Variants in C2orf42 observed in about 807,000 individuals in gnomAD.
C2orf42 encodes uncharacterized protein C2orf42.
C2orf42 carries 44 observed loss-of-function variants against 58.9 expected under a neutral mutation model. The observed-to-expected ratio is 0.75, with a 90% CI of 0.59 to 0.96. The LOEUF (loss-of-function observed/expected upper bound fraction) is 0.96. C2orf42 is among the 40% of genes least tolerant of loss of function. The pLI is 0.00. For missense variants in C2orf42, 630 were observed against 699.2 expected (o/e 0.90, Z 1.12); for synonymous variants, 239 against 265.4 (o/e 0.90, Z 0.97).
At chr2:70,162,629 T>G (rs1398561440) in intron 8 of C2orf42, among the ~76,000 whole-genome samples, 3 of 151,398 alleles carry the variant, frequency 2.0e-5, no homozygotes, top group African/African-American at 7.3e-5. Context: ...GACAACAGAG[T>G]GAGACTCTGT....
In C2orf42 at chr2:70,181,455, T is replaced by G; in HGVS notation, c.531A>C (p.Thr177=). 1 of 1,613,986 alleles carries G rather than the reference T, an allele frequency of 6.2e-7. No individual in the cohort carries two copies. Among genetic ancestry groups the G allele is most frequent in the Non-Finnish European group, 8.5e-7 (1 of 1,179,992 alleles). Residue 177 remains threonine, a synonymous_variant, in exon 3 of 10, where the codon ACA becomes ACC. Coordinates refer to ENST00000264434, the MANE Select transcript of C2orf42 (RefSeq NM_017880.3). ...QTIWQLATEP[T]GPLVQRITKN... Reference sequence around the variant, plus strand: ...TAGTAATTCTCTGCACCAGAGGACCTGTGGGTTCCGTGGCCAACTGCCAGA... The same window carrying G: ...TAGTAATTCTCTGCACCAGAGGACCGGTGGGTTCCGTGGCCAACTGCCAGA...
At chr2:70,155,526 T>C (rs1446302365) in intron 9 of C2orf42, among the ~76,000 whole-genome samples, 1 of 151,924 alleles carries the variant, frequency 6.6e-6, no homozygotes, top group Non-Finnish European at 1.5e-5. Context: ...AGGCCGGGTG[T>C]GGTGGCTCAT....
At chr2:70,166,164 C>T (rs547919744) in intron 6 of C2orf42, among the ~76,000 whole-genome samples, 2 of 151,014 alleles carry the variant, frequency 1.3e-5, no homozygotes, top group East Asian at 2.0e-4. Context: ...GCTGGGATTA[C>T]AGGCGTGAGC....
chr2:70,162,139 G>GTAGC (rs1673089319), intron 8 of C2orf42, among the ~76,000 whole-genome samples: 2 of 151,412 alleles, frequency 1.3e-5, no homozygotes, highest in Admixed American at 1.3e-4. Context: ...AGCCTCCCGA[G>GTAGC]TAGCTGGGAT....
intron 5 of C2orf42, among the ~76,000 whole-genome samples, chr2:70,174,412 C>T (rs536634962): frequency 6.6e-5 from 10 of 152,282 alleles, no homozygotes; most frequent in East Asian, 3.9e-4. Flanking sequence ...ACCCTTCATC[C>T]GGATTCACCC....
chr2:70,179,908 C>T (rs546464152), intron 3 of C2orf42, among the ~76,000 whole-genome samples: 17 of 152,154 alleles, frequency 1.1e-4, no homozygotes, highest in African/African-American at 4.1e-4. Flanking sequence ...CACTGCATGC[C>T]AGCCTGGGCG....
At chr2:70,160,530 CTTT>C in intron 9 of C2orf42, 92 bp downstream of exon 9, 2 of 784,558 alleles carry the variant, frequency 2.5e-6, no homozygotes, top group Non-Finnish European at 4.0e-6. Context: ...AATGTGTCTT[CTTT>C]GTTTAAGGTC....
chr2:70,190,534 G>GT (rs1409689794), intron 1 of C2orf42: 5 of 152,260 alleles, frequency 3.3e-5, no homozygotes, highest in Non-Finnish European at 7.3e-5. Context: ...CAGCCAGCAG[G>GT]TAACTCACAA....
rs1673006550 is a variant in C2orf42 at position 70,160,755 on chromosome 2, C to T, written c.1386G>A (p.Gln462=). The change falls in exon 9 of 10, where the codon CAG becomes CAA. Residue 462 remains glutamine (Q), a synonymous_variant. Coordinates refer to ENST00000264434, the MANE Select transcript of C2orf42 (RefSeq NM_017880.3). ...MPLEITRSFI[Q]NRDGTYELFK... is the part of the protein sequence containing the mutation. ...ATAGCTCATAAGTCCCATCTCGGTTCTGGATAAAGCTACGGGTGATTTCCA... is the reference window on the plus strand; with the variant it reads ...ATAGCTCATAAGTCCCATCTCGGTTTTGGATAAAGCTACGGGTGATTTCCA... The T allele has an allele frequency of 6.2e-7, 1 of 1,608,456 alleles. No homozygotes were observed. The highest frequency in any genetic ancestry group is 1.7e-5 in the Admixed American group (1 of 58,574).
chr2:70,157,988 G>T (rs998674778), intron 9 of C2orf42, among the ~76,000 whole-genome samples: 6 of 151,986 alleles, frequency 3.9e-5, no homozygotes, highest in African/African-American at 1.5e-4. Context: ...ATCACCAGAC[G>T]TCCAGAGTTC....
At chr2:70,164,632 A>AAAAAT (rs776237985) in intron 8 of C2orf42, among the ~76,000 whole-genome samples, 22 of 152,194 alleles carry the variant, frequency 1.4e-4, no homozygotes, top group African/African-American at 3.4e-4. Flanking sequence ...ACTCCATCCC[A>AAAAAT]AAAATAAAAT....
At chr2:70,185,689 G>A (rs1674880550) in intron 1 of C2orf42, among the ~76,000 whole-genome samples, 1 of 150,776 alleles carries the variant, frequency 6.6e-6, no homozygotes, top group Non-Finnish European at 1.5e-5. Context: ...CTTCAGCCTG[G>A]GAAACAGAGT....
At chr2:70,158,934 G>T (rs1011060443) in intron 9 of C2orf42, among the ~76,000 whole-genome samples, 5 of 105,006 alleles carry the variant, frequency 4.8e-5, no homozygotes, top group Middle Eastern at 9.6e-3. Context: ...ACGGAGTCTT[G>T]CTCTGTTGCC....
Position 70,159,442 on chromosome 2 carries a change from G to C in C2orf42, c.1516+1183C>G, listed in dbSNP as rs535343267. Among the ~76,000 whole-genome samples, 3 of 151,696 alleles carry C rather than the reference G, an allele frequency of 2.0e-5. No homozygotes were observed. In the East Asian group the frequency reaches 5.9e-4, roughly 30 times the overall value. On this transcript the variant is annotated intron_variant, in intron 9 of 9. Transcript: ENST00000264434. ...GTCTCTACTAAAATACAAAAAATTA[G>C]CTGGGTGTGACGGTGGGCGCCTGTA... is the stretch of plus-strand genomic sequence containing the variant.
At chr2:70,163,284 G>A (rs971578086) in intron 8 of C2orf42, among the ~76,000 whole-genome samples, 11 of 146,146 alleles carry the variant, frequency 7.5e-5, no homozygotes, top group African/African-American at 1.8e-4. Context: ...TTGCTCTGTC[G>A]CCCAGGCTGG....
In C2orf42 at chr2:70,160,734, C is replaced by T; in HGVS notation, c.1407G>A (p.Glu469=). ...SFIQNRDGTY[E]LFKCPKVEVE... is the part of the protein sequence containing the mutation. ...CTTCCACTTTAGGGCATTTAAATAG[C>T]TCATAAGTCCCATCTCGGTTCTGGA... is the stretch of plus-strand genomic sequence containing the variant. Residue 469 remains glutamate (E), a synonymous_variant, in exon 9 of 10, where the codon GAG becomes GAA. Coordinates refer to ENST00000264434, the MANE Select transcript of C2orf42 (RefSeq NM_017880.3). The T allele has an allele frequency of 1.2e-6, 2 of 1,611,648 alleles. No individual in the cohort carries two copies. Among genetic ancestry groups the T allele is most frequent in the Non-Finnish European group, 1.7e-6 (2 of 1,178,866 alleles).
At chr2:70,176,593 C>T (rs928832151) in intron 4 of C2orf42, among the ~76,000 whole-genome samples, 1 of 151,784 alleles carries the variant, frequency 6.6e-6, no homozygotes, top group Non-Finnish European at 1.5e-5. Flanking sequence ...TGAGCATTTT[C>T]CCAAATTCTT....
At chr2:70,170,135 C>A (rs1392075652) in intron 5 of C2orf42, among the ~76,000 whole-genome samples, 1 of 151,450 alleles carries the variant, frequency 6.6e-6, no homozygotes, top group Non-Finnish European at 1.5e-5. Context: ...AATCCACCTG[C>A]CTCAGCCTTC....
At chr2:70,171,479 C>T (rs1481789418) in intron 5 of C2orf42, among the ~76,000 whole-genome samples, 4 of 152,122 alleles carry the variant, frequency 2.6e-5, no homozygotes, top group Non-Finnish European at 2.9e-5. Flanking sequence ...AGACTTAAAA[C>T]CTAAAACCTT....
Sources: allele counts gnomAD v4.1 joint callset (sites outside exome capture counted in the v4.1 genomes callset), GRCh38; gene constraint gnomAD v4.1.1; transcripts MANE v1.5; gene names NCBI Gene and HGNC (gene_info 2026-07-23, HGNC 2026-07-21).